The following ZNF804B variants were observed in gnomAD, a reference collection of about 807,000 sequenced individuals.
The protein encoded by ZNF804B is zinc finger 804B.
ZNF804B carries 80 observed loss-of-function variants against 101.4 expected under a neutral mutation model. The observed-to-expected ratio is 0.79, with a 90% CI of 0.66 to 0.95. The LOEUF (loss-of-function observed/expected upper bound fraction) is 0.95, where lower values mean the gene tolerates loss of function less well. Among genes scored for constraint, ZNF804B ranks in the 40% least tolerant of loss-of-function variants. The probability of loss-of-function intolerance (pLI) is 0.00; values close to 1 mark genes in which losing one functional copy is unlikely to be tolerated. For synonymous variants in ZNF804B, 622 were observed against 558.8 expected (o/e 1.11, Z -1.59); for missense variants, 1,673 against 1,561.9 (o/e 1.07, Z -1.20).
At chr7:89,105,738 T>C (rs572446619) in intron 1 of ZNF804B, among the ~76,000 whole-genome samples, 10 of 152,230 alleles carry the variant, frequency 6.6e-5, no homozygotes, top group Admixed American at 2.0e-4. Context: ...TACCTGGAAA[T>C]AGTTTCTGAT....
At chr7:88,893,149 G>T (rs1027437205) in intron 1 of ZNF804B, among the ~76,000 whole-genome samples, 1 of 152,050 alleles carries the variant, frequency 6.6e-6, no homozygotes, top group Admixed American at 6.6e-5. Flanking sequence ...GCTATCAAAA[G>T]ATACCTCCAG....
At chr7:89,158,608 A>T (rs941956900) in intron 1 of ZNF804B, among the ~76,000 whole-genome samples, 3 of 152,122 alleles carry the variant, frequency 2.0e-5, no homozygotes, top group African/African-American at 7.2e-5. Context: ...AATCTTCTTC[A>T]TCTTGCTTAA....
At chr7:89,145,096 A>G (rs1314501341) in intron 1 of ZNF804B, among the ~76,000 whole-genome samples, 2 of 151,884 alleles carry the variant, frequency 1.3e-5, no homozygotes, top group South Asian at 2.1e-4. Flanking sequence ...ACAGAGTGAG[A>G]CTCTGTCTCA....
chr7:88,876,008 A>G (rs546375406), intron 1 of ZNF804B, among the ~76,000 whole-genome samples: 1 of 152,320 alleles, frequency 6.6e-6, no homozygotes, highest in Non-Finnish European at 1.5e-5. Context: ...GGTTCAATAT[A>G]TGCAAATCAA....
chr7:89,151,646 T>C (rs930456024), intron 1 of ZNF804B, among the ~76,000 whole-genome samples: 3 of 151,592 alleles, frequency 2.0e-5, no homozygotes, highest in Admixed American at 6.6e-5. Flanking sequence ...TTCAGGAATA[T>C]AAAATAAAAT....
intron 1 of ZNF804B, among the ~76,000 whole-genome samples, chr7:89,006,799 C>A (rs1013283061): frequency 6.6e-6 from 1 of 152,110 alleles, no homozygotes. Flanking sequence ...CTGAGCTCCT[C>A]TGCAAATGTA....
At chr7:89,162,314 T>C (rs1328229213) in intron 1 of ZNF804B, among the ~76,000 whole-genome samples, 1 of 152,190 alleles carries the variant, frequency 6.6e-6, no homozygotes, top group Non-Finnish European at 1.5e-5. Context: ...ACTTTAAATA[T>C]TGGGATTGAA....
chr7:88,992,401 C>G (rs1793860453), intron 1 of ZNF804B, among the ~76,000 whole-genome samples: 1 of 152,024 alleles, frequency 6.6e-6, no homozygotes, highest in African/African-American at 2.4e-5. Flanking sequence ...GGTTGCTTAA[C>G]AAATCACTGT....
intron 1 of ZNF804B, among the ~76,000 whole-genome samples, chr7:89,161,411 A>T (rs1326426191): frequency 6.6e-6 from 1 of 152,104 alleles, no homozygotes; most frequent in Non-Finnish European, 1.5e-5. Context: ...CCATTGGAAT[A>T]AACTAATCCA....
intron 1 of ZNF804B, among the ~76,000 whole-genome samples, chr7:88,803,303 G>A (rs1392415279): frequency 6.6e-6 from 1 of 152,118 alleles, no homozygotes; most frequent in Non-Finnish European, 1.5e-5. Flanking sequence ...GAACCAAATT[G>A]AACAAAGAGA....
chr7:89,239,511 T>A (rs1175700825), intron 2 of ZNF804B, among the ~76,000 whole-genome samples: 1 of 152,180 alleles, frequency 6.6e-6, no homozygotes, highest in Non-Finnish European at 1.5e-5. Flanking sequence ...CTATTTAGAA[T>A]ACCTTAAATG....
chr7:88,855,118 C>A (rs1420456634), intron 1 of ZNF804B, among the ~76,000 whole-genome samples: 2 of 151,956 alleles, frequency 1.3e-5, no homozygotes, highest in African/African-American at 2.4e-5. Context: ...GGTATATACC[C>A]AGTAATGGCA....
chr7:89,196,737 G>A (rs370636541), intron 1 of ZNF804B, among the ~76,000 whole-genome samples: 4 of 151,706 alleles, frequency 2.6e-5, no homozygotes, highest in East Asian at 3.9e-4. Flanking sequence ...CCAAAAAAGG[G>A]TAATATCCAG....
At position 88,827,312 on chromosome 7, in the gene ZNF804B, AAG is replaced by A. The variant is rs576951985; in HGVS notation, c.108+67231_108+67232del. On this transcript the variant is annotated intron_variant, in intron 1 of 3. Coordinates refer to ENST00000333190, the MANE Select transcript of ZNF804B (RefSeq NM_181646.5). ...AAAATATATATAATAATTATAAAGA[AAG>A]AGTACTATAAAATTTTAAATTCTGA... Among the ~76,000 whole-genome samples, 14 of 151,842 alleles carry A rather than the reference AAG, an allele frequency of 9.2e-5. No individual in the cohort carries two copies. In the East Asian group the frequency reaches 9.6e-4, roughly 10 times the overall value.
chr7:88,835,414 G>A (rs755317359), intron 1 of ZNF804B, among the ~76,000 whole-genome samples: 15 of 151,826 alleles, frequency 9.9e-5, no homozygotes, highest in Non-Finnish European at 1.8e-4. Context: ...CATTCAGAAT[G>A]AGCACAGAAT....
intron 1 of ZNF804B, among the ~76,000 whole-genome samples, chr7:88,803,480 A>G (rs1354559005): frequency 3.3e-5 from 5 of 152,190 alleles, no homozygotes; most frequent in Non-Finnish European, 7.3e-5. Context: ...CCAGTTGGAT[A>G]CAGTCTGAAC....
At chr7:89,067,476 A>G (rs551711325) in intron 1 of ZNF804B, among the ~76,000 whole-genome samples, 16 of 152,316 alleles carry the variant, frequency 1.1e-4, no homozygotes, top group African/African-American at 3.8e-4. Flanking sequence ...TCACTGGCAG[A>G]GGTGTATGCA....
intron 1 of ZNF804B, among the ~76,000 whole-genome samples, chr7:88,764,314 T>A (rs1789946809): frequency 6.6e-6 from 1 of 152,208 alleles, no homozygotes; most frequent in Admixed American, 6.5e-5. Flanking sequence ...AAGTGCTTAT[T>A]CCTGGGAGCA....
In ZNF804B at chr7:89,315,007, A is replaced by G. The variant is rs977156744; in HGVS notation, c.250-12337A>G. Reference sequence around the variant, plus strand: ...ACCTGAGGCTGGATAATTTATAAAGAAAAGAGGTTTAATTGGCTTACAGTT... The same window carrying G: ...ACCTGAGGCTGGATAATTTATAAAGGAAAGAGGTTTAATTGGCTTACAGTT... On this transcript the variant is annotated intron_variant, in intron 2 of 3. Transcript: ENST00000333190. Among the ~76,000 whole-genome samples the G allele has an allele frequency of 9.8e-5, 15 of 152,302 alleles. No homozygotes were observed. In the East Asian group the frequency reaches 1.4e-3, roughly 14 times the overall value.
Sources: gnomAD v4.1 joint callset for allele counts (sites outside exome capture counted in the v4.1 genomes callset) on GRCh38, gnomAD v4.1.1 for gene constraint, MANE v1.5 for transcripts, NCBI Gene and HGNC (gene_info 2026-07-23, HGNC 2026-07-21) for gene names.